The following SEPSECS variants were observed in gnomAD, a reference collection of about 807,000 sequenced individuals.
SEPSECS encodes Sep (O-phosphoserine) tRNA:Sec (selenocysteine) tRNA synthase, also known as O-phosphoseryl-tRNA(Sec) selenium transferase.
In SEPSECS, 42 loss-of-function variants were observed where a neutral mutation model predicts 52.1. That is an observed-to-expected ratio of 0.81 (90% CI 0.63 to 1.04). The LOEUF (loss-of-function observed/expected upper bound fraction) is 1.04, where lower values mean the gene tolerates loss of function less well. SEPSECS is among the 50% of genes least tolerant of loss of function. SEPSECS has a pLI of 0.00. For missense variants in SEPSECS, 590 were observed against 610.6 expected, an observed-to-expected ratio of 0.97 and a Z score of 0.36; for synonymous variants, 216 against 211.4, an observed-to-expected ratio of 1.02 and a Z score of -0.19.
At chr4:25,135,282 G>GT (rs1038195489) in intron 8 of SEPSECS, among the ~76,000 whole-genome samples, 9 of 151,500 alleles carry the variant, frequency 5.9e-5, no homozygotes, top group Admixed American at 1.3e-4. Flanking sequence ...CCAGGAGTGG[G>GT]TTTTTTTAAA....
intron 8 of SEPSECS, among the ~76,000 whole-genome samples, chr4:25,132,880 G>A (rs960723694): frequency 5.3e-5 from 8 of 152,134 alleles, no homozygotes; most frequent in Non-Finnish European, 1.2e-4. Flanking sequence ...GACGGAAAGC[G>A]CACAGACTTT....
intron 3 of SEPSECS, among the ~76,000 whole-genome samples, chr4:25,156,450 A>T (rs1299174264): frequency 6.6e-6 from 1 of 151,836 alleles, no homozygotes; most frequent in Non-Finnish European, 1.5e-5. Flanking sequence ...CATGCCTGTA[A>T]TCCCAGCATT....
At chr4:25,137,268 G>A (rs185355486) in intron 8 of SEPSECS, among the ~76,000 whole-genome samples, 1 of 152,154 alleles carries the variant, frequency 6.6e-6, no homozygotes, top group South Asian at 2.1e-4. Flanking sequence ...TATCATCAGA[G>A]TGAACTGACA....
At position 25,121,734 on chromosome 4, in the gene SEPSECS, C is replaced by A. The variant is rs947327495; in HGVS notation, c.*2197G>T. Reference sequence around the variant, plus strand: ...AAGAAAGGGTTAATAATAAAAACCACAGCTGATTTTCTGCATCAGGAATGA... The same window carrying A: ...AAGAAAGGGTTAATAATAAAAACCAAAGCTGATTTTCTGCATCAGGAATGA... On this transcript the variant is annotated 3_prime_UTR_variant, in exon 11 of 11. Coordinates refer to ENST00000382103, the MANE Select transcript of SEPSECS (RefSeq NM_016955.4). 1 of 152,134 alleles carries A rather than the reference C, an allele frequency of 6.6e-6. No homozygotes were observed. Among genetic ancestry groups the A allele is most frequent in the Non-Finnish European group, 1.5e-5 (1 of 67,996 alleles). The allele number at this position is 152,134 out of a possible 1,614,324, so 9.4% of individuals were successfully genotyped here. A position where few individuals can be genotyped will look rare whatever the true frequency, so the allele number is the denominator to read the frequency against.
intron 9 of SEPSECS, 41 bp downstream of exon 9, chr4:25,127,223 G>C: frequency 7.9e-7 from 1 of 1,271,176 alleles, no homozygotes. Flanking sequence ...TCCTAGAGTG[G>C]ATCATAAGTA....
rs766547122 is a variant in SEPSECS at position 25,145,071 on chromosome 4, T to C, written c.867A>G (p.Pro289=). 2 of 1,613,866 alleles carry C rather than the reference T, an allele frequency of 1.2e-6. No homozygotes were observed. Among genetic ancestry groups the C allele is most frequent in the Non-Finnish European group, 1.7e-6 (2 of 1,179,914 alleles). The change falls in exon 7 of 11, where the codon CCA becomes CCG. Residue 289 remains proline (P), a synonymous_variant. Coordinates refer to ENST00000382103, the MANE Select transcript of SEPSECS (RefSeq NM_016955.4). ...VQSLDKNFMV[P]VGGAIIAGFN... ...AGCCAGCAATTATAGCACCACCTAC[T>C]GGAACCATAAAATTTTTGTCCAAGC...
Position 25,160,251 on chromosome 4 carries a change from G to A in SEPSECS, c.114+5C>T, listed in dbSNP as rs779202823. ...CGGCTGGGGAGGGGACCGACAGCTC[G>A]GTACCTTCTCCAGAAGCAGCCGTAT... On this transcript the variant is annotated splice_donor_5th_base_variant and intron_variant, in intron 1 of 10. Coordinates refer to ENST00000382103, the MANE Select transcript of SEPSECS (RefSeq NM_016955.4). 1.4e-5 allele frequency: 21 copies of A among 1,553,528 alleles called. 2 individuals carry two copies. In the South Asian group the frequency reaches 2.4e-4, roughly 17 times the overall value.
intron 8 of SEPSECS, among the ~76,000 whole-genome samples, chr4:25,139,801 G>A (rs944299060): frequency 3.3e-5 from 5 of 152,038 alleles, no homozygotes; most frequent in Non-Finnish European, 5.9e-5. Context: ...CAGTGGAAAT[G>A]GAAAGAAATG....
intron 6 of SEPSECS, among the ~76,000 whole-genome samples, chr4:25,150,825 A>G (rs1712254565): frequency 1.3e-5 from 2 of 152,046 alleles, no homozygotes; most frequent in Admixed American, 6.6e-5. Context: ...GGGCCGCATG[A>G]CAAAACCCCA....
At chr4:25,133,806 C>T (rs1230157652) in intron 8 of SEPSECS, among the ~76,000 whole-genome samples, 1 of 151,452 alleles carries the variant, frequency 6.6e-6, no homozygotes, top group Non-Finnish European at 1.5e-5. Context: ...TAGAAATATA[C>T]AGTAGATTAT....
intron 9 of SEPSECS, among the ~76,000 whole-genome samples, chr4:25,126,886 A>G (rs1382550299): frequency 6.6e-6 from 1 of 152,172 alleles, no homozygotes; most frequent in Non-Finnish European, 1.5e-5. Flanking sequence ...TGAGCTCCTG[A>G]GCTTAAGTGA....
Position 25,160,278 on chromosome 4 carries a change from A to G in SEPSECS, c.92T>C (p.Leu31Pro). ...TACCTTCTCCAGAAGCAGCCGTATGAGGTGCTCATGCGAGCGGCGGGCCTC... is the reference window on the plus strand; with the variant it reads ...TACCTTCTCCAGAAGCAGCCGTATGGGGTGCTCATGCGAGCGGCGGGCCTC... ...GCEARRSHEH[L>P]IRLLLEKGKC... The change falls in exon 1 of 11, where the codon CTC becomes CCC. Residue 31 changes from leucine (L) to proline (P), a missense_variant. Coordinates refer to ENST00000382103, the MANE Select transcript of SEPSECS (RefSeq NM_016955.4). 6.4e-7 allele frequency: 1 copy of G among 1,556,692 alleles called. No individual in the cohort carries two copies. Among genetic ancestry groups the G allele is most frequent in the Non-Finnish European group, 8.7e-7 (1 of 1,149,556 alleles).
intron 6 of SEPSECS, among the ~76,000 whole-genome samples, chr4:25,146,485 G>A (rs1404620813): frequency 4.6e-5 from 7 of 150,808 alleles, no homozygotes; most frequent in African/African-American, 1.7e-4. Flanking sequence ...AAAAAAAACT[G>A]GAAAACATGC....
intron 6 of SEPSECS, among the ~76,000 whole-genome samples, chr4:25,150,812 T>C (rs1365152784): frequency 6.6e-6 from 1 of 151,946 alleles, no homozygotes; most frequent in Non-Finnish European, 1.5e-5. Flanking sequence ...TTGAGACCAG[T>C]CTGGGCCGCA....
chr4:25,147,691 G>T (rs1250076493), intron 6 of SEPSECS, among the ~76,000 whole-genome samples: 1 of 152,032 alleles, frequency 6.6e-6, no homozygotes, highest in African/African-American at 2.4e-5. Context: ...CCTGGAGGTG[G>T]GGTTATGTGC....
intron 8 of SEPSECS, among the ~76,000 whole-genome samples, chr4:25,143,239 CTGTT>C (rs1315792032): frequency 5.3e-5 from 8 of 152,148 alleles, no homozygotes; most frequent in Admixed American, 4.6e-4. Context: ...TTCGGGATGT[CTGTT>C]TTTTAGGTGC....
At chr4:25,140,603 T>G (rs779482346) in intron 8 of SEPSECS, among the ~76,000 whole-genome samples, 28 of 152,236 alleles carry the variant, frequency 1.8e-4, no homozygotes, top group Non-Finnish European at 4.0e-4. Flanking sequence ...AATGTATACA[T>G]AAAAATGTAC....
At chr4:25,138,367 C>T (rs1191121276) in intron 8 of SEPSECS, among the ~76,000 whole-genome samples, 3 of 151,902 alleles carry the variant, frequency 2.0e-5, no homozygotes, top group African/African-American at 7.3e-5. Context: ...TGCCTGTAAT[C>T]CCAACACTTT....
intron 5 of SEPSECS, among the ~76,000 whole-genome samples, chr4:25,153,453 T>C (rs950608611): frequency 6.6e-6 from 1 of 151,792 alleles, no homozygotes. Flanking sequence ...AAAAAAGTAT[T>C]AAATGAAAGG....
Sources: gnomAD v4.1 joint callset for allele counts (sites outside exome capture counted in the v4.1 genomes callset) on GRCh38, gnomAD v4.1.1 for gene constraint, MANE v1.5 for transcripts, NCBI Gene and HGNC (gene_info 2026-07-23, HGNC 2026-07-21) for gene names.